The following KIAA1217 variants were observed in gnomAD, a reference collection of about 807,000 sequenced individuals.
KIAA1217 encodes the protein sickle tail protein homolog.
A neutral mutation model predicts 163.9 loss-of-function variants in KIAA1217; 88 were observed. The ratio of observed to expected loss-of-function variants is 0.54; its 90% CI spans 0.45 to 0.64. The LOEUF (loss-of-function observed/expected upper bound fraction) is 0.64. KIAA1217 is among the 30% of genes least tolerant of loss of function. The probability of loss-of-function intolerance (pLI) is 0.00; values close to 1 mark genes in which losing one functional copy is unlikely to be tolerated. For missense variants in KIAA1217, 2,372 were observed against 2,475.0 expected (o/e 0.96, Z 0.88); for synonymous variants, 903 against 923.1 (o/e 0.98, Z 0.39).
rs372866970 is a variant in KIAA1217 at position 24,488,301 on chromosome 10, G to C, written c.1680-6199G>C. ...TGGGGTATGGTGGATGGGAGCACCAGGGATGGGAGGGGATTTCCTGGGTAG... is the reference window on the plus strand; with the variant it reads ...TGGGGTATGGTGGATGGGAGCACCACGGATGGGAGGGGATTTCCTGGGTAG... On this transcript the variant is annotated intron_variant, in intron 6 of 20. Transcript: ENST00000376454. 7.2e-5 allele frequency among the ~76,000 whole-genome samples: 11 copies of C among 152,276 alleles called. No individual in the cohort carries two copies. The South Asian group carries it at 2.3e-3, about 32-fold the overall frequency.
chr10:24,403,420 G>C (rs917495331), intron 3 of KIAA1217, among the ~76,000 whole-genome samples: 4 of 151,988 alleles, frequency 2.6e-5, no homozygotes, highest in Admixed American at 2.6e-4. Flanking sequence ...TGTATTTTTA[G>C]TAGAGACGGG....
chr10:24,108,099 C>T (rs890609573), intron 2 of KIAA1217, among the ~76,000 whole-genome samples: 1 of 152,120 alleles, frequency 6.6e-6, no homozygotes, highest in Admixed American at 6.5e-5. Context: ...TTCCAGAAGC[C>T]TGCACTTGTT....
rs60780857 is a variant in KIAA1217, at chr10:24,252,653, CCATT to C, written c.354+32761_354+32764del. Among the ~76,000 whole-genome samples the C allele has an allele frequency of 5.7e-3, 868 of 152,180 alleles. 10 individuals carry two copies. Among genetic ancestry groups the C allele is most frequent in the African/African-American group, 0.02 (821 of 41,506 alleles). ...GATCAGATTTGGAAAAAAAAAATAACCATTCATTCATTCATTCATTTACTCGGCA... is the reference window on the plus strand; with the variant it reads ...GATCAGATTTGGAAAAAAAAAATAACCATTCATTCATTCATTTACTCGGCA... On this transcript the variant is annotated intron_variant, in intron 2 of 20. Coordinates refer to ENST00000376454, the MANE Select transcript of KIAA1217 (RefSeq NM_019590.5).
chr10:24,062,228 G>A (rs2060751851), intron 2 of KIAA1217, among the ~76,000 whole-genome samples: 1 of 150,746 alleles, frequency 6.6e-6, no homozygotes, highest in Non-Finnish European at 1.5e-5. Flanking sequence ...ATGTTGGTGT[G>A]CTGCACCCAT....
At position 24,243,523 on chromosome 10, in the gene KIAA1217, G is replaced by A. The variant is rs1354949706; in HGVS notation, c.354+23614G>A. The stretch of plus-strand genomic sequence containing the variant: ...TAATAAGTGAGAATATGCAGTATTT[G>A]TTTTTTTTGTTTCTGAGCTAGTTCA... On this transcript the variant is annotated intron_variant, in intron 2 of 20. Coordinates refer to ENST00000376454, the MANE Select transcript of KIAA1217 (RefSeq NM_019590.5). Among the ~76,000 whole-genome samples, 4 of 150,158 alleles carry A rather than the reference G, an allele frequency of 2.7e-5. No homozygotes were observed. In the East Asian group the frequency reaches 7.9e-4, roughly 30 times the overall value.
intron 2 of KIAA1217, among the ~76,000 whole-genome samples, chr10:24,309,789 G>A (rs928649685): frequency 2.0e-5 from 3 of 152,084 alleles, no homozygotes; most frequent in Non-Finnish European, 4.4e-5. Context: ...TCCATCTTGC[G>A]TGCACCCAGC....
intron 2 of KIAA1217, among the ~76,000 whole-genome samples, chr10:24,355,196 G>A (rs2048934019): frequency 6.6e-6 from 1 of 152,192 alleles, no homozygotes; most frequent in Non-Finnish European, 1.5e-5. Context: ...TTGCAGCTGT[G>A]TAAGCAGGTG....
chr10:24,148,103 GA>G (rs1209973692), intron 2 of KIAA1217, among the ~76,000 whole-genome samples: 6 of 152,098 alleles, frequency 3.9e-5, no homozygotes, highest in Admixed American at 6.5e-5. Context: ...AGTTGCCTTT[GA>G]ATAAAAGCCA....
chr10:24,240,163 G>A (rs550736830), intron 2 of KIAA1217, among the ~76,000 whole-genome samples: 9 of 152,264 alleles, frequency 5.9e-5, no homozygotes, highest in South Asian at 4.1e-4. Context: ...CACTGGATGC[G>A]GCTGTGGATC....
In KIAA1217 at chr10:24,543,359, T is replaced by C. The variant is rs550296530; in HGVS notation, c.4089T>C (p.Asn1363=). The change falls in exon 19 of 21, where the codon AAT becomes AAC. Residue 1363 remains asparagine, a synonymous_variant. Transcript: ENST00000376454. ...CAAGGCATGCTAACGTGAACCCTAA[T>C]GAGGATGGAGAATCAAGTTCAAGTT... The part of the protein sequence containing the change: ...KEARHANVNP[N]EDGESSSSSP... 67 of 1,614,120 alleles carry C rather than the reference T, an allele frequency of 4.2e-5. No homozygotes were observed. The South Asian group carries it at 7.4e-4, about 18-fold the overall frequency.
At chr10:24,410,098 G>T (rs1194364049) in intron 3 of KIAA1217, among the ~76,000 whole-genome samples, 1 of 148,844 alleles carries the variant, frequency 6.7e-6, no homozygotes, top group African/African-American at 2.5e-5. Flanking sequence ...CCGGGTTCAA[G>T]CGATTCTCCT....
intron 10 of KIAA1217, 126 bp downstream of exon 10, chr10:24,513,560 T>G (rs969784948): frequency 1.4e-5 from 12 of 854,562 alleles, no homozygotes; most frequent in African/African-American, 6.8e-5. Flanking sequence ...TGTGTAAAAG[T>G]TAGAGTTCTG....
At chr10:23,717,745 T>C (rs562511055) in intron 1 of KIAA1217, among the ~76,000 whole-genome samples, 24 of 152,290 alleles carry the variant, frequency 1.6e-4, no homozygotes, top group African/African-American at 5.8e-4. Flanking sequence ...AGAAATCCTC[T>C]ACCCTTGGCA....
At chr10:24,472,971 G>A (rs1054291639) in intron 5 of KIAA1217, among the ~76,000 whole-genome samples, 11 of 152,234 alleles carry the variant, frequency 7.2e-5, no homozygotes, top group Admixed American at 5.2e-4. Context: ...CCCTGGAGCT[G>A]ATTTCCCTGC....
chr10:24,368,531 G>A (rs535819113), intron 2 of KIAA1217, among the ~76,000 whole-genome samples: 4 of 151,998 alleles, frequency 2.6e-5, no homozygotes, highest in Non-Finnish European at 4.4e-5. Context: ...GCATTTACAA[G>A]CATTTTAAAT....
intron 3 of KIAA1217, among the ~76,000 whole-genome samples, chr10:24,417,294 G>C (rs531183908): frequency 6.6e-6 from 1 of 152,112 alleles, no homozygotes; most frequent in South Asian, 2.1e-4. Context: ...CACCCTCCCT[G>C]GCTGGCCGTA....
chr10:24,374,791 C>G (rs2052226567), intron 2 of KIAA1217, among the ~76,000 whole-genome samples: 1 of 152,024 alleles, frequency 6.6e-6, no homozygotes, highest in Non-Finnish European at 1.5e-5. Flanking sequence ...TTGTATTCTT[C>G]TGTTATTTTT....
chr10:24,336,972 A>G (rs909369070), intron 2 of KIAA1217, among the ~76,000 whole-genome samples: 1 of 152,252 alleles, frequency 6.6e-6, no homozygotes, highest in African/African-American at 2.4e-5. Context: ...AAGAAAATGC[A>G]GGGCAAAAGT....
chr10:24,457,514 C>T (rs537339860), intron 5 of KIAA1217, among the ~76,000 whole-genome samples: 7 of 152,174 alleles, frequency 4.6e-5, no homozygotes, highest in Admixed American at 3.3e-4. Context: ...TCCTTCACCT[C>T]GGCCTTCAAG....
Sources: allele counts gnomAD v4.1 joint callset (sites outside exome capture counted in the v4.1 genomes callset), GRCh38; gene constraint gnomAD v4.1.1; transcripts MANE v1.5; gene names NCBI Gene and HGNC (gene_info 2026-07-23, HGNC 2026-07-21).